The following NETO1 variants were observed in gnomAD, a reference collection of about 807,000 sequenced individuals.
The protein encoded by NETO1 is neuropilin and tolloid like 1.
A neutral mutation model predicts 61.3 loss-of-function variants in NETO1; 26 were observed. That is an observed-to-expected ratio of 0.42 (90% CI 0.31 to 0.59). The LOEUF is 0.59. NETO1 is among the 20% of genes least tolerant of loss of function. NETO1 has a pLI of 0.12. For missense variants in NETO1, 531 were observed against 662.8 expected (o/e 0.80, Z 2.18); for synonymous variants, 225 against 225.8 (o/e 1.00, Z 0.03).
chr18:72,859,186 G>C, intron 3 of NETO1, 112 bp from the exon 4 acceptor site: 5 of 1,006,848 alleles, frequency 5.0e-6, no homozygotes, highest in Non-Finnish European at 7.2e-6. Context: ...CTTTATGGAT[G>C]ATATGCATAG....
chr18:72,847,565 A>T (rs1206034601), intron 4 of NETO1, among the ~76,000 whole-genome samples: 1 of 152,244 alleles, frequency 6.6e-6, no homozygotes, highest in African/African-American at 2.4e-5. Flanking sequence ...TTTGGGAAGG[A>T]TTGCAAGTTA....
chr18:72,794,067 G>A, intron 6 of NETO1, 50 bp downstream of exon 6: 1 of 1,611,486 alleles, frequency 6.2e-7, no homozygotes, highest in South Asian at 1.1e-5. Context: ...GCTTGTTATA[G>A]ACACTTCTCA....
chr18:72,768,154 T>A (rs2071226997), intron 7 of NETO1, among the ~76,000 whole-genome samples: 2 of 152,344 alleles, frequency 1.3e-5, no homozygotes, highest in South Asian at 4.1e-4. Context: ...ATTCTGGTTC[T>A]AAAAACGTTT....
chr18:72,852,540 A>T lies in NETO1; in HGVS notation c.469+6286T>A, dbSNP rs182641987. Among the ~76,000 whole-genome samples the T allele has an allele frequency of 1.6e-3, 240 of 152,204 alleles. 1 individual carries two copies. The South Asian group carries it at 0.016, about 10-fold the overall frequency. On this transcript the variant is annotated intron_variant, in intron 4 of 10. Coordinates refer to ENST00000327305, the MANE Select transcript of NETO1 (RefSeq NM_138966.5). ...GGAAGACACTCTTTCTTTATGGGAA[A>T]CTTCTTAAAAATCTTCCTTTTCCTT...
intron 4 of NETO1, among the ~76,000 whole-genome samples, chr18:72,828,621 G>A (rs2073471766): frequency 6.6e-6 from 1 of 152,160 alleles, no homozygotes; most frequent in South Asian, 2.1e-4. Flanking sequence ...TGAAGTCACT[G>A]ATCTAGAAGG....
chr18:72,750,612 TC>T lies in NETO1; in HGVS notation c.990del (p.Thr332ProfsTer7). On this transcript the variant is annotated frameshift_variant, in exon 9 of 11. Coordinates refer to ENST00000327305, the MANE Select transcript of NETO1 (RefSeq NM_138966.5). LOFTEE classifies it high-confidence loss of function. ...GTCAGCTGGTCCAGCAGGCTGGTTTTCCTCTTCTCTATAGGTTGGAGAGAGT... is the reference window on the plus strand; with the variant it reads ...GTCAGCTGGTCCAGCAGGCTGGTTTTCTCTTCTCTATAGGTTGGAGAGAGT... ...PWDENHCKEK[R>X]KTSLLDQLTN... is the part of the protein sequence containing the mutation. The T allele has an allele frequency of 6.2e-7, 1 of 1,603,976 alleles. No individual in the cohort carries two copies. The highest frequency in any genetic ancestry group is 8.5e-7 in the Non-Finnish European group (1 of 1,178,058).
chr18:72,754,652 A>C (rs115502136), intron 8 of NETO1, among the ~76,000 whole-genome samples: 481 of 152,292 alleles, frequency 3.2e-3, no homozygotes, highest in African/African-American at 0.011. Flanking sequence ...TGAATTTAGC[A>C]CCCAAGCTTA....
rs1174992504 is a variant in NETO1 at position 72,830,087 on chromosome 18, C to A, written c.469+28739G>T. On this transcript the variant is annotated intron_variant, in intron 4 of 10. Coordinates refer to ENST00000327305, the MANE Select transcript of NETO1 (RefSeq NM_138966.5). The surrounding 1 kb of genome is among the most constrained non-coding windows in gnomAD (Gnocchi z 4.9). ...GTCTGTGAGATTGCCTCAATTCAGG[C>A]CCACATCTACCTATGTGGCTGAAAT... Among the ~76,000 whole-genome samples the A allele has an allele frequency of 1.3e-5, 2 of 152,142 alleles. No homozygotes were observed. The highest frequency in any genetic ancestry group is 2.9e-5 in the Non-Finnish European group (2 of 68,024).
intron 4 of NETO1, among the ~76,000 whole-genome samples, chr18:72,806,077 G>A (rs1402742513): frequency 6.6e-6 from 1 of 152,012 alleles, no homozygotes; most frequent in Non-Finnish European, 1.5e-5. Flanking sequence ...GTGGGGGGTG[G>A]GTTGGTAGAC....
At chr18:72,820,984 T>C (rs6566658) in intron 4 of NETO1, among the ~76,000 whole-genome samples, 67,246 of 151,702 alleles carry the variant, frequency 0.44, 15,966 homozygotes, top group African/African-American at 0.6. Flanking sequence ...AGGTGATAGA[T>C]AGACAGACAA....
At chr18:72,837,336 A>G (rs1010568676) in intron 4 of NETO1, among the ~76,000 whole-genome samples, 3 of 152,228 alleles carry the variant, frequency 2.0e-5, no homozygotes, top group Non-Finnish European at 2.9e-5. Flanking sequence ...GCAGTAAGAT[A>G]AATAAGCGAA....
intron 3 of NETO1, among the ~76,000 whole-genome samples, chr18:72,860,747 T>TA (rs922844591): frequency 1.3e-5 from 1 of 77,304 alleles, no homozygotes; most frequent in Non-Finnish European, 3.1e-5. Flanking sequence ...TTTTCTTTTC[T>TA]TTTTTTTGGA....
chr18:72,864,872 G>A lies in NETO1; in HGVS notation c.156C>T (p.Ile52=). The change falls in exon 3 of 11, where the codon ATC becomes ATT. Residue 52 remains isoleucine (I), a synonymous_variant. Coordinates refer to ENST00000327305, the MANE Select transcript of NETO1 (RefSeq NM_138966.5). ...TGCTGGGATAGTTGGGAGAGGTAAA[G>A]ATACCTCCCTCTGCATGTTTTGTCC... ...GTWTKHAEGG[I]FTSPNYPSKY... 1 of 1,613,540 alleles carries A rather than the reference G, an allele frequency of 6.2e-7. No individual in the cohort carries two copies. Among genetic ancestry groups the A allele is most frequent in the Non-Finnish European group, 8.5e-7 (1 of 1,179,776 alleles).
At chr18:72,774,145 A>C (rs1463839375) in intron 7 of NETO1, among the ~76,000 whole-genome samples, 1 of 152,194 alleles carries the variant, frequency 6.6e-6, no homozygotes, top group African/African-American at 2.4e-5. Flanking sequence ...TCAATCAAAT[A>C]TTAAGTGATT....
chr18:72,817,335 T>C (rs2145258266), intron 4 of NETO1, among the ~76,000 whole-genome samples: 1 of 152,322 alleles, frequency 6.6e-6, no homozygotes, highest in Middle Eastern at 3.4e-3. Flanking sequence ...AGCCTCAGCT[T>C]AATTCCCAGC....
intron 4 of NETO1, among the ~76,000 whole-genome samples, chr18:72,851,186 C>G (rs190802644): frequency 1.3e-5 from 2 of 152,022 alleles, no homozygotes; most frequent in Non-Finnish European, 1.5e-5. Flanking sequence ...CCCAGGCTGG[C>G]GGATCACCTG....
At chr18:72,807,481 T>C (rs991679802) in intron 4 of NETO1, among the ~76,000 whole-genome samples, 1 of 152,142 alleles carries the variant, frequency 6.6e-6, no homozygotes. Flanking sequence ...TTTAAACAAA[T>C]TGAGAAAACG....
intron 3 of NETO1, among the ~76,000 whole-genome samples, chr18:72,863,229 G>C (rs2145683169): frequency 6.6e-6 from 1 of 152,282 alleles, no homozygotes; most frequent in East Asian, 1.9e-4. Context: ...TTCTGCAGAA[G>C]CCCTAGGATG....
At chr18:72,785,910 T>TA (rs1466732800) in intron 6 of NETO1, among the ~76,000 whole-genome samples, 40 of 152,316 alleles carry the variant, frequency 2.6e-4, no homozygotes, top group African/African-American at 9.6e-4. Context: ...GCAGCAGACT[T>TA]AATCTCTACA....
Sources: allele counts gnomAD v4.1 joint callset (sites outside exome capture counted in the v4.1 genomes callset), GRCh38; gene constraint gnomAD v4.1.1; non-coding constraint Gnocchi (gnomAD v3.1); transcripts MANE v1.5; gene names NCBI Gene and HGNC (gene_info 2026-07-23, HGNC 2026-07-21).